Variants in CCDC141 observed in about 807,000 individuals in gnomAD.
CCDC141 encodes coiled-coil domain containing 141.
Under a neutral mutation model 181.0 loss-of-function variants are expected in CCDC141, and 168 were observed. That is an observed-to-expected ratio of 0.93 (90% CI 0.82 to 1.05). CCDC141 has a LOEUF of 1.05. CCDC141 is among the 50% of genes least tolerant of loss of function. The probability of loss-of-function intolerance (pLI) is 0.00; values close to 1 mark genes in which losing one functional copy is unlikely to be tolerated. For synonymous variants in CCDC141, 666 were observed against 642.3 expected (o/e 1.04, Z -0.56); for missense variants, 1,902 against 1,788.5 (o/e 1.06, Z -1.14).
the CCDC141 span, among the ~76,000 whole-genome samples, chr2:178,816,436 C>T: frequency 6.6e-6 from 1 of 152,324 alleles, no homozygotes; most frequent in South Asian, 2.1e-4. Context: ...TTTATCCATT[C>T]ACCTATTAAA....
At chr2:178,905,297 G>T (rs1010988665) in intron 8 of CCDC141, 32 bp downstream of exon 8, 1 of 1,520,048 alleles carries the variant, frequency 6.6e-7, no homozygotes, top group Admixed American at 2.2e-5. Flanking sequence ...GAAAAAGCTT[G>T]TTACACTGAG....
intron 2 of CCDC141, among the ~76,000 whole-genome samples, chr2:179,015,095 T>TACAC (rs1449268223): frequency 5.8e-5 from 2 of 34,776 alleles, no homozygotes; most frequent in African/African-American, 1.6e-4. Context: ...TATATATATA[T>TACAC]ATATATATAA....
intron 2 of CCDC141, among the ~76,000 whole-genome samples, chr2:179,044,136 A>G (rs977182525): frequency 6.6e-6 from 1 of 152,180 alleles, no homozygotes; most frequent in Non-Finnish European, 1.5e-5. Context: ...AGTACAAACC[A>G]CTGCTCGAAG....
chr2:178,946,425 C>T (rs1689736273), intron 5 of CCDC141, among the ~76,000 whole-genome samples: 1 of 152,078 alleles, frequency 6.6e-6, no homozygotes, highest in Non-Finnish European at 1.5e-5. Flanking sequence ...AGGGTTTCCT[C>T]AAAGTAAAGT....
At chr2:179,039,367 TATTAA>T (rs558200914) in intron 2 of CCDC141, among the ~76,000 whole-genome samples, 32 of 152,340 alleles carry the variant, frequency 2.1e-4, no homozygotes, top group African/African-American at 7.5e-4. Flanking sequence ...ATAGCTTTTC[TATTAA>T]ATTAAACATT....
At chr2:178,994,335 A>G (rs1692187177) in intron 2 of CCDC141, among the ~76,000 whole-genome samples, 1 of 152,228 alleles carries the variant, frequency 6.6e-6, no homozygotes, top group Non-Finnish European at 1.5e-5. Context: ...GTGTACCCAC[A>G]GGCTTGACAC....
chr2:178,867,905 C>T, intron 16 of CCDC141, 121 bp downstream of exon 16: 2 of 751,088 alleles, frequency 2.7e-6, no homozygotes, highest in Non-Finnish European at 4.0e-6. Context: ...AATAACTACC[C>T]CAATGGTTTA....
At chr2:178,883,670 C>T (rs925084870) in intron 11 of CCDC141, among the ~76,000 whole-genome samples, 1 of 152,140 alleles carries the variant, frequency 6.6e-6, no homozygotes, top group Non-Finnish European at 1.5e-5. Flanking sequence ...TGAGTGAACC[C>T]TACTGGCTCT....
intron 2 of CCDC141, among the ~76,000 whole-genome samples, chr2:178,980,292 C>A (rs2089099): frequency 0.92 from 139,957 of 152,068 alleles, 64,464 homozygotes; most frequent in East Asian, 0.94. Context: ...TACTACAAAT[C>A]CAAAAAAATT....
intron 4 of CCDC141, among the ~76,000 whole-genome samples, chr2:178,967,860 C>A (rs1307746505): frequency 6.6e-6 from 1 of 151,958 alleles, no homozygotes; most frequent in Non-Finnish European, 1.5e-5. Flanking sequence ...TGTGCAAAGA[C>A]ACACATAGGC....
At chr2:178,821,261 T>C in the CCDC141 span, among the ~76,000 whole-genome samples, 1 of 152,160 alleles carries the variant, frequency 6.6e-6, no homozygotes, top group Non-Finnish European at 1.5e-5. Context: ...TATATATATT[T>C]ATATTTTTTC....
chr2:178,854,542 AAAT>A (rs963772202), intron 19 of CCDC141, among the ~76,000 whole-genome samples: 5 of 152,152 alleles, frequency 3.3e-5, no homozygotes, highest in African/African-American at 1.2e-4. Flanking sequence ...ATAAATAAAT[AAAT>A]AACTGTGATG....
chr2:179,025,009 T>G (rs1402739918), intron 2 of CCDC141, among the ~76,000 whole-genome samples: 1 of 152,164 alleles, frequency 6.6e-6, no homozygotes, highest in Non-Finnish European at 1.5e-5. Context: ...GTTCCTCAGT[T>G]GATTCTGATG....
At chr2:178,883,302 A>T (rs62177296) in intron 11 of CCDC141, among the ~76,000 whole-genome samples, 2 of 152,028 alleles carry the variant, frequency 1.3e-5, no homozygotes, top group African/African-American at 2.4e-5. Context: ...AAGAACACAA[A>T]GGATAAATGC....
chr2:178,837,441 C>T lies in CCDC141; in HGVS notation c.3778G>A (p.Asp1260Asn). The T allele has an allele frequency of 1.2e-6, 2 of 1,614,090 alleles. No homozygotes were observed. Among genetic ancestry groups the T allele is most frequent in the East Asian group, 2.2e-5 (1 of 44,856 alleles). The change falls in exon 23 of 24, where the codon GAT (aspartate) becomes AAT (asparagine). Residue 1260 changes from aspartate (D) to asparagine (N), a missense_variant. By Grantham distance (23) the Asp-to-Asn change is conservative (BLOSUM62 1). Transcript: ENST00000443758. ...GVQAGTSSPGDAQESVLPPPV... is the reference protein window; with the variant it reads ...GVQAGTSSPGNAQESVLPPPV... ...GGTGGAAGAACAGATTCCTGGGCATCCCCTGGGCTGCTGGTCCCAGCCTGC... is the reference window on the plus strand; with the variant it reads ...GGTGGAAGAACAGATTCCTGGGCATTCCCTGGGCTGCTGGTCCCAGCCTGC...
chr2:179,022,442 C>A (rs1315701406), intron 2 of CCDC141, among the ~76,000 whole-genome samples: 1 of 152,070 alleles, frequency 6.6e-6, no homozygotes, highest in Non-Finnish European at 1.5e-5. Context: ...GAAGCCAAAG[C>A]CGAGGAAAGA....
In CCDC141 at chr2:178,853,511, A is replaced by C. The variant is rs746148790; in HGVS notation, c.3174T>G (p.Phe1058Leu). 1.2e-6 allele frequency: 2 copies of C among 1,614,160 alleles called. No individual in the cohort carries two copies. Among genetic ancestry groups the C allele is most frequent in the South Asian group, 1.1e-5 (1 of 91,086 alleles). The change falls in exon 20 of 24, where the codon TTT becomes TTG. Residue 1058 changes from phenylalanine to leucine, a missense_variant. Phe to Leu is a conservative substitution (Grantham distance 22, BLOSUM62 0). Transcript: ENST00000443758. ...VKILHQQFNK[F>L]IAPSVPQQEE... ...CTTGCTGCGGCACTGAGGGTGCAAT[A>C]AACTTATTAAACTGCTGGTGGAGAA...
At chr2:179,041,820 G>T (rs906916605) in intron 2 of CCDC141, among the ~76,000 whole-genome samples, 4 of 152,040 alleles carry the variant, frequency 2.6e-5, no homozygotes, top group African/African-American at 7.2e-5. Flanking sequence ...ACAAAGAAGA[G>T]CATTGCATAA....
the CCDC141 span, among the ~76,000 whole-genome samples, chr2:178,823,219 A>C: frequency 6.6e-6 from 1 of 152,140 alleles, no homozygotes; most frequent in Non-Finnish European, 1.5e-5. Context: ...TATTAAGTGC[A>C]TTTTGAGTCA....
Sources: allele counts gnomAD v4.1 joint callset (sites outside exome capture counted in the v4.1 genomes callset), GRCh38; gene constraint gnomAD v4.1.1; transcripts MANE v1.5; gene names NCBI Gene and HGNC (gene_info 2026-07-23, HGNC 2026-07-21).